The following THEMIS variants were observed in gnomAD, a reference collection of about 807,000 sequenced individuals.
THEMIS encodes protein THEMIS.
In THEMIS, 37 loss-of-function variants were observed where a neutral mutation model predicts 52.6. That is an observed-to-expected ratio of 0.70 (90% CI 0.54 to 0.93). The LOEUF is 0.93. Ranked by LOEUF, THEMIS falls within the 40% of genes least tolerant of loss-of-function variation. THEMIS has a pLI of 0.00. For synonymous variants in THEMIS, 292 were observed against 272.7 expected (o/e 1.07, Z -0.70); for missense variants, 808 against 763.1 (o/e 1.06, Z -0.69).
chr6:127,799,537 T>TTCTTTCTA (rs1562264683), intron 4 of THEMIS, among the ~76,000 whole-genome samples: 2 of 125,860 alleles, frequency 1.6e-5, no homozygotes, highest in African/African-American at 5.9e-5. Flanking sequence ...TTCTCTTTCT[T>TTCTTTCTA]TCTTTCTTTC....
chr6:127,814,733 C>T (rs2114612180), intron 3 of THEMIS, among the ~76,000 whole-genome samples: 1 of 152,210 alleles, frequency 6.6e-6, no homozygotes, highest in South Asian at 2.1e-4. Flanking sequence ...TGTATTTTTT[C>T]CAATCATCCA....
At chr6:127,710,077 C>T (rs746632450) in intron 5 of THEMIS, 61 bp from the exon 6 acceptor site, 19 of 1,233,606 alleles carry the variant, frequency 1.5e-5, no homozygotes, top group Non-Finnish European at 2.1e-5. Flanking sequence ...AGAAAGGAAA[C>T]TGCCTGCTTT....
chr6:127,735,319 GT>G (rs1174686763), intron 4 of THEMIS, among the ~76,000 whole-genome samples: 1 of 144,454 alleles, frequency 6.9e-6, no homozygotes, highest in Non-Finnish European at 1.5e-5. Flanking sequence ...GCGTGTGTGC[GT>G]GTGTGTGTGT....
intron 4 of THEMIS, among the ~76,000 whole-genome samples, chr6:127,744,874 T>C (rs1461971934): frequency 6.6e-6 from 1 of 151,724 alleles, no homozygotes; most frequent in Admixed American, 6.6e-5. Context: ...AGCAAAAAGA[T>C]TCAAGGAGAC....
chr6:127,751,883 CA>C (rs924440197), intron 4 of THEMIS, among the ~76,000 whole-genome samples: 3 of 151,604 alleles, frequency 2.0e-5, no homozygotes, highest in African/African-American at 7.3e-5. Context: ...CATCCAACAG[CA>C]GCAAAATATG....
At chr6:127,911,505 A>G (rs1413602017) in intron 1 of THEMIS, among the ~76,000 whole-genome samples, 1 of 151,268 alleles carries the variant, frequency 6.6e-6, no homozygotes, top group Non-Finnish European at 1.5e-5. Flanking sequence ...TTTAAAACTT[A>G]TTTTGTGCTC....
rs577037426 is a variant in THEMIS at position 127,798,743 on chromosome 6, C to G, written c.1758+14140G>C. 5.9e-5 allele frequency among the ~76,000 whole-genome samples: 9 copies of G among 152,172 alleles called. No individual in the cohort carries two copies. The South Asian group carries it at 1.7e-3, about 28-fold the overall frequency. ...CGGTGGCTCACGCCTGTAATCCCAG[C>G]ACTTTGGGAGGCCGAGGCGGGCGGA... On this transcript the variant is annotated intron_variant, in intron 4 of 5. Transcript: ENST00000368248.
intron 4 of THEMIS, among the ~76,000 whole-genome samples, chr6:127,755,388 G>A (rs1775787615): frequency 6.6e-6 from 1 of 152,176 alleles, no homozygotes; most frequent in South Asian, 2.1e-4. Flanking sequence ...CAAGAATTGT[G>A]AAGCTTCCAA....
In THEMIS at chr6:127,739,928, C is replaced by T. The variant is rs183289550; in HGVS notation, c.1759-20105G>A. 2.6e-5 allele frequency among the ~76,000 whole-genome samples: 4 copies of T among 152,270 alleles called. No homozygotes were observed. In the East Asian group the frequency reaches 7.7e-4, roughly 29 times the overall value. ...TAACTGCAGGGCTGACATTCGCTGG[C>T]GTGCACTGTTGAAGAGCAGACATGC... On this transcript the variant is annotated intron_variant, in intron 4 of 5. Transcript: ENST00000368248.
intron 4 of THEMIS, among the ~76,000 whole-genome samples, chr6:127,770,454 A>G (rs770602508): frequency 1.3e-5 from 2 of 152,034 alleles, no homozygotes; most frequent in Non-Finnish European, 2.9e-5. Context: ...TCCTTTGCCC[A>G]CTTTTTGATG....
At chr6:127,867,085 TA>T (rs1192714739) in intron 1 of THEMIS, among the ~76,000 whole-genome samples, 1 of 151,890 alleles carries the variant, frequency 6.6e-6, no homozygotes, top group Non-Finnish European at 1.5e-5. Context: ...TTCTTTCTTC[TA>T]GGGGGAAAAT....
chr6:127,817,854 C>G (rs1778189673), intron 3 of THEMIS, among the ~76,000 whole-genome samples: 1 of 152,286 alleles, frequency 6.6e-6, no homozygotes, highest in East Asian at 1.9e-4. Context: ...GCCTCCCACA[C>G]TTTTCTGAGT....
intron 1 of THEMIS, among the ~76,000 whole-genome samples, chr6:127,877,599 A>G (rs1010295523): frequency 3.9e-5 from 6 of 152,210 alleles, no homozygotes; most frequent in Non-Finnish European, 8.8e-5. Flanking sequence ...TCGAGGGAGC[A>G]GTTGGACACA....
At chr6:127,865,096 G>A (rs1779931537) in intron 1 of THEMIS, among the ~76,000 whole-genome samples, 1 of 152,110 alleles carries the variant, frequency 6.6e-6, no homozygotes, top group East Asian at 1.9e-4. Flanking sequence ...TGATCACAAA[G>A]GCATGGAGTG....
chr6:127,743,013 A>C (rs1175614313), intron 4 of THEMIS, among the ~76,000 whole-genome samples: 1 of 152,194 alleles, frequency 6.6e-6, no homozygotes, highest in Non-Finnish European at 1.5e-5. Flanking sequence ...TTTATTAAAA[A>C]GACCAACATA....
rs542986908 is a variant in THEMIS, at chr6:127,739,565, C to T, written c.1759-19742G>A. ...CTGAGGCAGGAGAATGGTGTGAACC[C>T]GGGAGGCGAGCTTACTGTGAGCCGA... On this transcript the variant is annotated intron_variant, in intron 4 of 5. Coordinates refer to ENST00000368248, the MANE Select transcript of THEMIS (RefSeq NM_001010923.3). Among the ~76,000 whole-genome samples, 7 of 152,176 alleles carry T rather than the reference C, an allele frequency of 4.6e-5. No individual in the cohort carries two copies. In the East Asian group the frequency reaches 5.8e-4, roughly 13 times the overall value.
At chr6:127,844,919 G>A (rs1779164996) in intron 2 of THEMIS, among the ~76,000 whole-genome samples, 1 of 151,864 alleles carries the variant, frequency 6.6e-6, no homozygotes, top group South Asian at 2.1e-4. Context: ...TTACTGAAAT[G>A]ATTGCTTATT....
chr6:127,794,709 T>C (rs1777269852), intron 4 of THEMIS, among the ~76,000 whole-genome samples: 1 of 152,210 alleles, frequency 6.6e-6, no homozygotes, highest in African/African-American at 2.4e-5. Flanking sequence ...ATTCATGTCT[T>C]TGTACAAATG....
At chr6:127,805,425 C>G (rs1196118356) in intron 4 of THEMIS, among the ~76,000 whole-genome samples, 1 of 151,978 alleles carries the variant, frequency 6.6e-6, no homozygotes, top group African/African-American at 2.4e-5. Context: ...CCTTAAATAA[C>G]GCATGCATGA....
Sources: gnomAD v4.1 joint callset for allele counts (sites outside exome capture counted in the v4.1 genomes callset) on GRCh38, gnomAD v4.1.1 for gene constraint, MANE v1.5 for transcripts, NCBI Gene and HGNC (gene_info 2026-07-23, HGNC 2026-07-21) for gene names.